ARHGAP24: variants seen among roughly 807,000 people sequenced by gnomAD.
ARHGAP24 encodes the protein rho GTPase-activating protein 24.
Under a neutral mutation model 76.4 loss-of-function variants are expected in ARHGAP24, and 50 were observed. The observed-to-expected ratio is 0.65, with a 90% CI of 0.52 to 0.83. The LOEUF is 0.83. Ranked by LOEUF, ARHGAP24 falls within the 40% of genes least tolerant of loss-of-function variation. The pLI is 0.00. For missense variants in ARHGAP24, 930 were observed against 914.2 expected (o/e 1.02, Z -0.22); for synonymous variants, 345 against 323.3 (o/e 1.07, Z -0.72).
intron 3 of ARHGAP24, among the ~76,000 whole-genome samples, chr4:85,890,014 A>G (rs2148777866): frequency 6.6e-6 from 1 of 152,090 alleles, no homozygotes; most frequent in South Asian, 2.1e-4. Context: ...TTTTTAGGTA[A>G]TGATGTATAT....
intron 1 of ARHGAP24, among the ~76,000 whole-genome samples, chr4:85,510,858 T>C (rs1724255660): frequency 7.2e-6 from 1 of 138,156 alleles, no homozygotes; most frequent in Non-Finnish European, 1.5e-5. Flanking sequence ...TCTGAGTCTC[T>C]ATTCTCATCG....
intron 2 of ARHGAP24, among the ~76,000 whole-genome samples, chr4:85,583,766 C>T (rs1428202175): frequency 1.3e-5 from 2 of 149,824 alleles, no homozygotes; most frequent in Non-Finnish European, 3.0e-5. Flanking sequence ...AAAACCCCAT[C>T]AAAAAGTGGG....
intron 2 of ARHGAP24, among the ~76,000 whole-genome samples, chr4:85,688,647 G>A (rs1027395596): frequency 6.6e-6 from 1 of 152,104 alleles, no homozygotes; most frequent in African/African-American, 2.4e-5. Flanking sequence ...TATTTGCCAA[G>A]GCTAAGGCCA....
chr4:85,771,023 G>T (rs912008716), intron 3 of ARHGAP24, among the ~76,000 whole-genome samples: 34 of 152,160 alleles, frequency 2.2e-4, no homozygotes, highest in Non-Finnish European at 2.6e-4. Context: ...AATAGCTTGG[G>T]GGTCCCCATC....
chr4:85,668,895 G>T (rs538832594), intron 2 of ARHGAP24, among the ~76,000 whole-genome samples: 1 of 152,302 alleles, frequency 6.6e-6, no homozygotes, highest in East Asian at 1.9e-4. Context: ...TAAAAGTAAA[G>T]AAGGTCAGTT....
chr4:85,475,925 C>T lies in ARHGAP24; in HGVS notation c.-21+366C>T, dbSNP rs146024748. Among the ~76,000 whole-genome samples, 464 of 151,894 alleles carry T rather than the reference C, an allele frequency of 3.1e-3. 1 individual carries two copies. Among genetic ancestry groups the T allele is most frequent in the Non-Finnish European group, 5.7e-3 (384 of 67,900 alleles). ...CTCTTGGTATCCATCCTCCCCTTCC[C>T]CTTGTTTGTTTCCTCTAGTATCTTA... On this transcript the variant is annotated intron_variant, in intron 1 of 9. Coordinates refer to ENST00000395184, the MANE Select transcript of ARHGAP24 (RefSeq NM_001025616.3).
In ARHGAP24 at chr4:86,000,600, GA is replaced by G; in HGVS notation, c.2127del (p.Asp710MetfsTer23). 1 of 1,614,032 alleles carries G rather than the reference GA, an allele frequency of 6.2e-7. No individual in the cohort carries two copies. Reference protein sequence around the residue: ...IKMRNAERAKEDAEKRNDMLQ... With the variant: ...IKMRNAERAKXDAEKRNDMLQ... ...AATGCGAAATGCCGAGCGAGCAAAA[GA>G]AGATGCCGAGAAAAGAAATGACATG... is the stretch of plus-strand genomic sequence containing the variant. On this transcript the variant is annotated frameshift_variant, in exon 10 of 10. Coordinates refer to ENST00000395184, the MANE Select transcript of ARHGAP24 (RefSeq NM_001025616.3). LOFTEE classifies it high-confidence loss of function.
chr4:85,623,061 C>T (rs935203821), intron 2 of ARHGAP24, among the ~76,000 whole-genome samples: 5 of 152,112 alleles, frequency 3.3e-5, no homozygotes, highest in African/African-American at 1.2e-4. Flanking sequence ...TGTTCACTCT[C>T]ATGTAGTTTC....
intron 2 of ARHGAP24, among the ~76,000 whole-genome samples, chr4:85,589,915 C>T (rs2109979309): frequency 6.6e-6 from 1 of 152,200 alleles, no homozygotes; most frequent in East Asian, 1.9e-4. Context: ...TTTTCAAAGC[C>T]ATTGCTGCAC....
chr4:85,918,841 T>A (rs1440678952), intron 3 of ARHGAP24, among the ~76,000 whole-genome samples: 1 of 152,218 alleles, frequency 6.6e-6, no homozygotes, highest in Non-Finnish European at 1.5e-5. Context: ...ATGGTTGATG[T>A]GTCAACAGTA....
At chr4:85,710,742 A>C (rs1724495546) in intron 2 of ARHGAP24, among the ~76,000 whole-genome samples, 1 of 152,208 alleles carries the variant, frequency 6.6e-6, no homozygotes, top group Admixed American at 6.6e-5. Context: ...GAGAAATGCA[A>C]ATCAAAATCA....
At chr4:85,713,194 C>G (rs1724594344) in intron 2 of ARHGAP24, among the ~76,000 whole-genome samples, 1 of 152,052 alleles carries the variant, frequency 6.6e-6, no homozygotes, top group South Asian at 2.1e-4. Flanking sequence ...GGAGTCCCAG[C>G]TACTCAGGAA....
intron 4 of ARHGAP24, among the ~76,000 whole-genome samples, chr4:85,925,410 A>T (rs1379608163): frequency 6.6e-6 from 1 of 152,250 alleles, no homozygotes; most frequent in Non-Finnish European, 1.5e-5. Flanking sequence ...AAAGGGCAAG[A>T]GTAGTGATGC....
At chr4:85,688,105 A>G (rs1319789415) in intron 2 of ARHGAP24, among the ~76,000 whole-genome samples, 1 of 151,962 alleles carries the variant, frequency 6.6e-6, no homozygotes, top group Admixed American at 6.6e-5. Flanking sequence ...GAGCCACCGC[A>G]CCTGGCCGGT....
At chr4:85,518,505 T>C (rs116267187) in intron 1 of ARHGAP24, among the ~76,000 whole-genome samples, 10,987 of 152,148 alleles carry the variant, frequency 0.072, 466 homozygotes, top group African/African-American at 0.11. Context: ...TAGTCTTTTA[T>C]GCCCCACCCG....
intron 2 of ARHGAP24, among the ~76,000 whole-genome samples, chr4:85,637,045 A>C (rs1190726154): frequency 6.6e-6 from 1 of 152,108 alleles, no homozygotes; most frequent in African/African-American, 2.4e-5. Flanking sequence ...ATGTGTAAGC[A>C]ATATTAAATC....
At chr4:85,607,607 C>G (rs918520363) in intron 2 of ARHGAP24, among the ~76,000 whole-genome samples, 19 of 151,710 alleles carry the variant, frequency 1.3e-4, no homozygotes, top group African/African-American at 4.6e-4. Context: ...TATATCACAG[C>G]CACTCTGGGA....
intron 3 of ARHGAP24, among the ~76,000 whole-genome samples, chr4:85,838,370 G>T (rs1193477569): frequency 2.0e-5 from 3 of 152,212 alleles, no homozygotes; most frequent in Admixed American, 1.3e-4. Context: ...GGCTGAGGTG[G>T]GCAGATCACG....
chr4:85,962,800 T>C (rs891404282), intron 5 of ARHGAP24, among the ~76,000 whole-genome samples: 1 of 151,500 alleles, frequency 6.6e-6, no homozygotes, highest in Non-Finnish European at 1.5e-5. Flanking sequence ...GCAAACTAAC[T>C]ACTTTGTCCA....
Sources: gnomAD v4.1 joint callset for allele counts (sites outside exome capture counted in the v4.1 genomes callset) on GRCh38, gnomAD v4.1.1 for gene constraint, MANE v1.5 for transcripts, NCBI Gene and HGNC (gene_info 2026-07-23, HGNC 2026-07-21) for gene names.